ZNF83: variants seen among roughly 807,000 people sequenced by gnomAD.
The protein encoded by ZNF83 is zinc finger protein 816B.
For synonymous variants in ZNF83, 209 were observed against 213.0 expected (o/e 0.98, Z 0.17); for missense variants, 552 against 629.9 (o/e 0.88, Z 1.32).
At chr19:52,683,545 C>T (rs2061963650) in intron 1 of ZNF83, among the ~76,000 whole-genome samples, 1 of 123,572 alleles carries the variant, frequency 8.1e-6, no homozygotes, top group African/African-American at 3.3e-5. Context: ...AAGTCCCTGC[C>T]CATAATGGCC....
intron 1 of ZNF83, among the ~76,000 whole-genome samples, chr19:52,662,268 C>A (rs2061590354): frequency 6.6e-6 from 1 of 152,154 alleles, no homozygotes; most frequent in African/African-American, 2.4e-5. Flanking sequence ...TACCCTGTCA[C>A]CCTCATCTGA....
At chr19:52,653,373 A>G (rs1334099622) in intron 3 of ZNF83, 4 of 1,094,012 alleles carry the variant, frequency 3.7e-6, no homozygotes, top group Admixed American at 1.8e-5. Flanking sequence ...CACGCTGGAA[A>G]ACCTTGCCAC....
At chr19:52,657,707 T>G (rs1473602133) in intron 2 of ZNF83, among the ~76,000 whole-genome samples, 1 of 151,650 alleles carries the variant, frequency 6.6e-6, no homozygotes, top group Non-Finnish European at 1.5e-5. Context: ...ATTAGCCAGA[T>G]GTGGTGGTGC....
intron 1 of ZNF83, among the ~76,000 whole-genome samples, chr19:52,683,818 C>T (rs191765906): frequency 4.6e-5 from 7 of 152,242 alleles, no homozygotes; most frequent in South Asian, 4.2e-4. Flanking sequence ...CTCAGTCTTC[C>T]GAGGACACCT....
chr19:52,677,258 G>A (rs1013750767), intron 1 of ZNF83, among the ~76,000 whole-genome samples: 2 of 150,936 alleles, frequency 1.3e-5, no homozygotes, highest in South Asian at 4.2e-4. Context: ...CTGGAAGTTG[G>A]TGAGGGGCAT....
intron 2 of ZNF83, among the ~76,000 whole-genome samples, chr19:52,620,266 ATC>A (rs907586390): frequency 6.0e-5 from 7 of 117,502 alleles, no homozygotes; most frequent in South Asian, 5.7e-4. Flanking sequence ...GTGTGTGTAT[ATC>A]TCTGTGTGTG....
intron 2 of ZNF83, among the ~76,000 whole-genome samples, chr19:52,615,924 C>T (rs575639723): frequency 1.4e-4 from 22 of 152,294 alleles, no homozygotes; most frequent in Admixed American, 3.9e-4. Flanking sequence ...CTGCAACCTC[C>T]GCCACACGAG....
Position 52,652,856 on chromosome 19 carries a change from A to T in ZNF83, c.-74+2705T>A, listed in dbSNP as rs2061460100. 4 of 981,064 alleles carry T rather than the reference A, an allele frequency of 4.1e-6. No individual in the cohort carries two copies. In the South Asian group the frequency reaches 5.2e-5, roughly 13 times the overall value. 60.8% of individuals were successfully genotyped at this position (981,064 alleles called of 1,614,324 possible). A position where few individuals can be genotyped will look rare whatever the true frequency, so the allele number is the denominator to read the frequency against. On this transcript the variant is annotated intron_variant, in intron 3 of 5. Transcript: ENST00000594682. ...AGTCTATGATGGCATACAAAGGATG[A>T]CATATGACTGAAGGTCTTGCCACAC...
chr19:52,642,899 A>G (rs986751737), upstream of ZNF83, among the ~76,000 whole-genome samples: 1 of 152,054 alleles, frequency 6.6e-6, no homozygotes, highest in Admixed American at 6.6e-5. Context: ...GCTCATGCCT[A>G]TAATACTAGC....
At chr19:52,670,840 A>G (rs887556896) in intron 1 of ZNF83, among the ~76,000 whole-genome samples, 1 of 152,320 alleles carries the variant, frequency 6.6e-6, no homozygotes, top group Middle Eastern at 3.4e-3. Context: ...ACATTTTCTG[A>G]TTAGAATTGG....
intron 1 of ZNF83, among the ~76,000 whole-genome samples, chr19:52,681,949 G>A (rs768623904): frequency 2.0e-5 from 3 of 152,148 alleles, no homozygotes; most frequent in Non-Finnish European, 2.9e-5. Flanking sequence ...CCAGGTCTAA[G>A]CAATTCTCCT....
At chr19:52,649,191 T>G (rs190829401) in intron 3 of ZNF83, among the ~76,000 whole-genome samples, 374 of 151,962 alleles carry the variant, frequency 2.5e-3, no homozygotes, top group Non-Finnish European at 4.1e-3. Context: ...CCAGCACCAA[T>G]TCCAGCCACA....
rs1342145199 is a variant in ZNF83, at chr19:52,680,812, C to T, written c.-283+9631G>A. On this transcript the variant is annotated intron_variant, in intron 1 of 5. Transcript: ENST00000594682. ...TATTTTTAGTAGAGACGGGGTTTCA[C>T]CGTGTTAGCCAGGATGGTCTCGATC... Among the ~76,000 whole-genome samples, 127 of 149,556 alleles carry T rather than the reference C, an allele frequency of 8.5e-4. 2 individuals are homozygous for T. Among genetic ancestry groups the T allele is most frequent in the Admixed American group, 8.4e-3 (127 of 15,070 alleles).
At chr19:52,645,984 G>A (rs1459717507) in intron 3 of ZNF83, among the ~76,000 whole-genome samples, 1 of 152,080 alleles carries the variant, frequency 6.6e-6, no homozygotes, top group Non-Finnish European at 1.5e-5. Flanking sequence ...CTGCCACCCA[G>A]GCTGCAGGGC....
upstream of ZNF83, among the ~76,000 whole-genome samples, chr19:52,642,721 G>A (rs2061324355): frequency 6.6e-6 from 1 of 152,068 alleles, no homozygotes; most frequent in Non-Finnish European, 1.5e-5. Context: ...AAAGTCCAAG[G>A]GTCTATCATG....
At chr19:52,639,722 A>G (rs77225467), upstream of ZNF83, among the ~76,000 whole-genome samples, 18,118 of 152,110 alleles carry the variant, frequency 0.12, 1,199 homozygotes, top group Admixed American at 0.14. Context: ...CTGGCCCAAA[A>G]AATATTCATT....
intron 1 of ZNF83, among the ~76,000 whole-genome samples, chr19:52,684,246 A>G (rs950876155): frequency 4.6e-5 from 7 of 152,084 alleles, no homozygotes; most frequent in Non-Finnish European, 1.0e-4. Flanking sequence ...GGCATCTGTA[A>G]TCCCAGCTAC....
At chr19:52,658,171 AAAC>A (rs2061532559) in intron 2 of ZNF83, among the ~76,000 whole-genome samples, 1 of 152,046 alleles carries the variant, frequency 6.6e-6, no homozygotes, top group African/African-American at 2.4e-5. Flanking sequence ...ATAGGAAAAG[AAAC>A]AACAACAAAG....
chr19:52,687,381 TTA>T (rs1255707164), intron 1 of ZNF83, among the ~76,000 whole-genome samples: 7 of 35,804 alleles, frequency 2.0e-4, no homozygotes, highest in Admixed American at 4.8e-4. Context: ...AAATTATAAT[TTA>T]TATATATATA....
Sources: allele counts gnomAD v4.1 joint callset (sites outside exome capture counted in the v4.1 genomes callset), GRCh38; gene constraint gnomAD v4.1.1; transcripts MANE v1.5; gene names NCBI Gene and HGNC (gene_info 2026-07-23, HGNC 2026-07-21).